KCNQ4: variants seen among roughly 807,000 people sequenced by gnomAD.
KCNQ4 encodes potassium voltage-gated channel subfamily Q member 4, also known as potassium voltage-gated channel subfamily KQT member 4.
A neutral mutation model predicts 72.6 loss-of-function variants in KCNQ4; 31 were observed. That is an observed-to-expected ratio of 0.43 (90% CI 0.32 to 0.58). The LOEUF is 0.58. Ranked by LOEUF, KCNQ4 falls within the 20% of genes least tolerant of loss-of-function variation. KCNQ4 has a pLI of 0.08. For missense variants in KCNQ4, 869 were observed against 962.6 expected, an observed-to-expected ratio of 0.90 and a Z score of 1.29; for synonymous variants, 405 against 403.7, an observed-to-expected ratio of 1.00 and a Z score of -0.04.
intron 1 of KCNQ4, among the ~76,000 whole-genome samples, chr1:40,790,170 G>A (rs572716939): frequency 4.6e-5 from 7 of 152,320 alleles, no homozygotes; most frequent in African/African-American, 7.2e-5. Flanking sequence ...CTTAGCAGTC[G>A]TGTGTCCTTG....
In KCNQ4 at chr1:40,819,877, T is replaced by A. The variant is rs778674882; in HGVS notation, c.837T>A (p.Ile279=). 7.4e-6 allele frequency: 12 copies of A among 1,612,650 alleles called. No homozygotes were observed. The East Asian group carries it at 2.2e-4, about 30-fold the overall frequency. Residue 279 remains isoleucine (I), a splice_region_variant and synonymous_variant, in exon 6 of 14, where the codon ATT becomes ATA. Transcript: ENST00000347132. The part of the protein sequence containing the change: ...SYADSLWWGT[I]TLTTIGYGDK... ...CTGTAACCTGTTTGTGTCTCCAGATTACATTGACAACCATCGGCTATGGTG... is the reference window on the plus strand; with the variant it reads ...CTGTAACCTGTTTGTGTCTCCAGATAACATTGACAACCATCGGCTATGGTG...
intron 13 of KCNQ4, among the ~76,000 whole-genome samples, 172 bp downstream of exon 13, chr1:40,837,966 C>A (rs1648855167): frequency 6.6e-6 from 1 of 151,832 alleles, no homozygotes; most frequent in Non-Finnish European, 1.5e-5. Context: ...CCCATAAACC[C>A]GCCCTCTCCT....
intron 9 of KCNQ4, among the ~76,000 whole-genome samples, chr1:40,824,600 C>T (rs1480161537): frequency 2.0e-5 from 3 of 152,208 alleles, no homozygotes; most frequent in Non-Finnish European, 4.4e-5. Flanking sequence ...CCATCCCTCC[C>T]GGGAAGCTGG....
chr1:40,810,563 T>C (rs1647905559), intron 1 of KCNQ4, among the ~76,000 whole-genome samples: 1 of 151,590 alleles, frequency 6.6e-6, no homozygotes, highest in East Asian at 1.9e-4. Flanking sequence ...CTGCCATCTT[T>C]CCTACCCCCA....
Position 40,838,941 on chromosome 1 carries a change from G to T in KCNQ4, c.*418G>T. 3.6e-6 allele frequency: 1 copy of T among 276,984 alleles called. No individual in the cohort carries two copies. The highest frequency in any genetic ancestry group is 4.2e-5 in the South Asian group (1 of 23,714). The allele number at this position is 276,984 out of a possible 1,614,324, so 17.2% of individuals were successfully genotyped here. ...TCGGACACAGCAGGGAAGCCCTCCC[G>T]CCAAGTCCCCGCCCCACTTGGGGGT... is the stretch of plus-strand genomic sequence containing the variant. On this transcript the variant is annotated 3_prime_UTR_variant, in exon 14 of 14. Coordinates refer to ENST00000347132, the MANE Select transcript of KCNQ4 (RefSeq NM_004700.4).
intron 1 of KCNQ4, among the ~76,000 whole-genome samples, chr1:40,789,845 T>C (rs1049446865): frequency 3.3e-5 from 5 of 152,214 alleles, no homozygotes; most frequent in African/African-American, 1.2e-4. Context: ...GAGCTGGAAC[T>C]GCCTGGGAGC....
intron 1 of KCNQ4, among the ~76,000 whole-genome samples, chr1:40,799,531 C>G (rs1055079898): frequency 1.3e-5 from 2 of 152,174 alleles, no homozygotes; most frequent in Admixed American, 1.3e-4. Flanking sequence ...CCCTCTCCTT[C>G]TCTGGCCTGG....
chr1:40,815,865 G>A (rs1021478497), intron 1 of KCNQ4, among the ~76,000 whole-genome samples: 5 of 152,108 alleles, frequency 3.3e-5, no homozygotes, highest in Non-Finnish European at 7.4e-5. Flanking sequence ...ACACAAGCAG[G>A]ACTGGGATCC....
intron 8 of KCNQ4, among the ~76,000 whole-genome samples, chr1:40,823,862 T>G (rs868310407): frequency 1.6e-4 from 25 of 152,234 alleles, no homozygotes; most frequent in Admixed American, 4.6e-4. Context: ...ACGGCTGCCC[T>G]TGAGCTGTGC....
intron 1 of KCNQ4, among the ~76,000 whole-genome samples, chr1:40,802,068 G>A (rs139507978): frequency 6.6e-6 from 1 of 152,266 alleles, no homozygotes; most frequent in East Asian, 1.9e-4. Context: ...ATACAAGATA[G>A]TAATAGTTGC....
chr1:40,807,182 A>C (rs1647789903), intron 1 of KCNQ4, among the ~76,000 whole-genome samples: 1 of 151,860 alleles, frequency 6.6e-6, no homozygotes, highest in Non-Finnish European at 1.5e-5. Flanking sequence ...TTTTTTTCAT[A>C]GTTTGTTCTA....
rs565340622 is a variant in KCNQ4 at position 40,835,115 on chromosome 1, T to A, written c.1745+17T>A. Reference sequence around the variant, plus strand: ...GCAAACTCGGTGGGTGCACCGGGCCTGTTGGGAGGCAGGGGCAGGGAGGCA... The same window carrying A: ...GCAAACTCGGTGGGTGCACCGGGCCAGTTGGGAGGCAGGGGCAGGGAGGCA... On this transcript the variant is annotated intron_variant, in intron 12 of 13. Coordinates refer to ENST00000347132, the MANE Select transcript of KCNQ4 (RefSeq NM_004700.4). 6.2e-7 allele frequency: 1 copy of A among 1,610,374 alleles called. No homozygotes were observed. The highest frequency in any genetic ancestry group is 2.2e-5 in the East Asian group (1 of 44,746).
At chr1:40,796,704 G>A (rs1273457761) in intron 1 of KCNQ4, among the ~76,000 whole-genome samples, 2 of 152,172 alleles carry the variant, frequency 1.3e-5, no homozygotes, top group Non-Finnish European at 2.9e-5. Flanking sequence ...ACCACCTGAG[G>A]TCAGGAGTTC....
intron 1 of KCNQ4, among the ~76,000 whole-genome samples, chr1:40,812,993 G>T (rs2148313506): frequency 6.6e-6 from 1 of 152,340 alleles, no homozygotes; most frequent in East Asian, 1.9e-4. Context: ...CAAAGAAGTG[G>T]CATTGGAACA....
intron 13 of KCNQ4, 101 bp from the exon 14 acceptor site, chr1:40,838,210 C>T: frequency 2.0e-6 from 2 of 1,001,608 alleles, no homozygotes; most frequent in Non-Finnish European, 3.1e-6. Context: ...ATAAGCCCCG[C>T]CCACTCCACC....
At chr1:40,803,446 C>G (rs1290287466) in intron 1 of KCNQ4, among the ~76,000 whole-genome samples, 1 of 152,190 alleles carries the variant, frequency 6.6e-6, no homozygotes, top group African/African-American at 2.4e-5. Context: ...CCCTCTGCTG[C>G]CCCCCAATCC....
chr1:40,822,538 A>G (rs1472683693), intron 8 of KCNQ4, 136 bp downstream of exon 8: 1 of 682,584 alleles, frequency 1.5e-6, no homozygotes, highest in East Asian at 2.7e-5. Flanking sequence ...GGCTCTGCAG[A>G]TCCTATGTAA....
intron 11 of KCNQ4, among the ~76,000 whole-genome samples, chr1:40,834,494 C>T (rs1232729571): frequency 6.6e-6 from 1 of 151,996 alleles, no homozygotes; most frequent in East Asian, 1.9e-4. Flanking sequence ...CCTGTAGTCC[C>T]AGCACTTTGG....
chr1:40,789,098 G>A (rs1016338455), intron 1 of KCNQ4, among the ~76,000 whole-genome samples: 1 of 152,168 alleles, frequency 6.6e-6, no homozygotes, highest in African/African-American at 2.4e-5. Flanking sequence ...CTGCCCTTGC[G>A]GGTCTGTGTG....
Sources: allele counts gnomAD v4.1 joint callset (sites outside exome capture counted in the v4.1 genomes callset), GRCh38; gene constraint gnomAD v4.1.1; transcripts MANE v1.5; gene names NCBI Gene and HGNC (gene_info 2026-07-23, HGNC 2026-07-21).